The following TMTC4 variants were observed in gnomAD, a reference collection of about 807,000 sequenced individuals.
The protein encoded by TMTC4 is protein O-mannosyl-transferase TMTC4.
In TMTC4, 65 loss-of-function variants were observed where a neutral mutation model predicts 86.0. The ratio of observed to expected loss-of-function variants is 0.76; its 90% CI spans 0.62 to 0.93. The LOEUF is 0.93. Among genes scored for constraint, TMTC4 ranks in the 40% least tolerant of loss-of-function variants. The probability of loss-of-function intolerance (pLI) is 0.00; values close to 1 mark genes in which losing one functional copy is unlikely to be tolerated. For missense variants in TMTC4, 866 were observed against 948.1 expected, an observed-to-expected ratio of 0.91 and a Z score of 1.14; for synonymous variants, 379 against 382.5, an observed-to-expected ratio of 0.99 and a Z score of 0.11.
chr13:100,632,053 ACTCTCT>A (rs67759381), intron 12 of TMTC4, among the ~76,000 whole-genome samples: 215 of 43,110 alleles, frequency 5.0e-3, no homozygotes, highest in South Asian at 0.035. Context: ...ACACACACAC[ACTCTCT>A]CTCTCTCTCT....
At position 100,656,438 on chromosome 13, in the gene TMTC4, G is replaced by A; in HGVS notation, c.583C>T (p.Leu195=). The part of the protein sequence containing the change: ...VAGVVGRADL[L]CALFFLLSFL... ...GATAACAAGAAGAACAGGGCACACA[G>A]GAGGTCTGCACGGCCGACAACACCA... The change falls in exon 6 of 19, where the codon CTG becomes TTG. Residue 195 remains leucine, a synonymous_variant. Coordinates refer to ENST00000342624, the MANE Select transcript of TMTC4 (RefSeq NM_032813.5). The A allele has an allele frequency of 6.2e-7, 1 of 1,612,554 alleles. No homozygotes were observed. Among genetic ancestry groups the A allele is most frequent in the Non-Finnish European group, 8.5e-7 (1 of 1,179,254 alleles).
intron 15 of TMTC4, among the ~76,000 whole-genome samples, chr13:100,615,795 T>A (rs577718995): frequency 6.6e-6 from 1 of 152,354 alleles, no homozygotes; most frequent in African/African-American, 2.4e-5. Flanking sequence ...TGTGCAGGTT[T>A]GTTACATGGG....
At chr13:100,673,213 A>AC (rs1356460835) in intron 1 of TMTC4, 1 of 604,350 alleles carries the variant, frequency 1.7e-6, no homozygotes, top group Non-Finnish European at 2.1e-6. Context: ...CCACACAGGG[A>AC]CCCCAGAAAA....
intron 3 of TMTC4, among the ~76,000 whole-genome samples, chr13:100,666,663 G>T (rs1045425866): frequency 1.6e-4 from 25 of 152,216 alleles, no homozygotes; most frequent in African/African-American, 6.0e-4. Flanking sequence ...TAATAAAACT[G>T]TAGCTTTCTG....
rs1428427940 is a variant in TMTC4, at chr13:100,647,104, G to A, written c.641-4793C>T. Among the ~76,000 whole-genome samples the A allele has an allele frequency of 3.3e-5, 5 of 152,300 alleles. No individual in the cohort carries two copies. In the East Asian group the frequency reaches 7.7e-4, roughly 24 times the overall value. On this transcript the variant is annotated intron_variant, in intron 6 of 18. Transcript: ENST00000342624. ...TTCCGCCACGTCATGAGAGATGGGT[G>A]GCTTTGTCCACTCAGTCTCGGTACA...
intron 15 of TMTC4, chr13:100,625,185 T>C: frequency 3.6e-6 from 1 of 277,692 alleles, no homozygotes; most frequent in South Asian, 4.2e-5. Flanking sequence ...TCTCTGTTCT[T>C]ACTCAATTCT....
At position 100,604,953 on chromosome 13, in the gene TMTC4, T is replaced by G. The variant is rs767863342; in HGVS notation, c.*41A>C. 1 of 1,601,172 alleles carries G rather than the reference T, an allele frequency of 6.2e-7. No homozygotes were observed. The highest frequency in any genetic ancestry group is 8.5e-7 in the Non-Finnish European group (1 of 1,174,108). On this transcript the variant is annotated 3_prime_UTR_variant, in exon 19 of 19. Coordinates refer to ENST00000342624, the MANE Select transcript of TMTC4 (RefSeq NM_032813.5). ...CACATACTATTAATGATATGCCTCATGCACACACACACTCAAACTCAAAAC... is the reference window on the plus strand; with the variant it reads ...CACATACTATTAATGATATGCCTCAGGCACACACACACTCAAACTCAAAAC...
intron 6 of TMTC4, among the ~76,000 whole-genome samples, chr13:100,646,390 C>T (rs1183168253): frequency 1.3e-5 from 2 of 152,176 alleles, no homozygotes; most frequent in Non-Finnish European, 2.9e-5. Context: ...ATCATGGAAC[C>T]GCAGGTGTCA....
Position 100,634,833 on chromosome 13 carries a change from G to A in TMTC4, c.1478C>T (p.Ala493Val). 3 of 1,614,166 alleles carry A rather than the reference G, an allele frequency of 1.9e-6. No homozygotes were observed. Among genetic ancestry groups the A allele is most frequent in the Non-Finnish European group, 2.5e-6 (3 of 1,180,038 alleles). ...WRSEEQLFRS[A>V]LSVCPLNAKV... ...AGCATTGAGGGGACACACAGACAGAGCACTTCTGAAAAGCTGTTCCTCACT... is the reference window on the plus strand; with the variant it reads ...AGCATTGAGGGGACACACAGACAGAACACTTCTGAAAAGCTGTTCCTCACT... The change falls in exon 12 of 19, where the codon GCT becomes GTT. Residue 493 changes from alanine to valine, a missense_variant. Transcript: ENST00000342624.
At chr13:100,625,427 G>T in intron 15 of TMTC4, 108 bp downstream of exon 15, 3 of 1,450,624 alleles carry the variant, frequency 2.1e-6, no homozygotes, top group Non-Finnish European at 2.9e-6. Flanking sequence ...ACATGTGAAA[G>T]AACTTTATAA....
rs1876254994 is a variant in TMTC4 at position 100,604,329 on chromosome 13, TCTC to T, written c.*662_*664del. The T allele has an allele frequency of 1.3e-5, 2 of 152,576 alleles. No homozygotes were observed. Among genetic ancestry groups the T allele is most frequent in the Admixed American group, 1.3e-4 (2 of 15,276 alleles). The allele number at this position is 152,576 out of a possible 1,614,324, so 9.5% of individuals were successfully genotyped here. On this transcript the variant is annotated 3_prime_UTR_variant, in exon 19 of 19. Transcript: ENST00000342624. ...TTATGTAAAATATTACATTACATAA[TCTC>T]CTGTGTATTGAAATTGCACAAGTCA...
chr13:100,632,406 C>T (rs2138850439), intron 12 of TMTC4, among the ~76,000 whole-genome samples: 1 of 152,264 alleles, frequency 6.6e-6, no homozygotes, highest in African/African-American at 2.4e-5. Flanking sequence ...ATTATAGAGC[C>T]TCTGTAAAGA....
At position 100,606,208 on chromosome 13, in the gene TMTC4, T is replaced by C. The variant is rs1050407287; in HGVS notation, c.2134+150A>G. 1.1e-5 allele frequency: 8 copies of C among 722,778 alleles called. No individual in the cohort carries two copies. In the East Asian group the frequency reaches 1.4e-4, roughly 12 times the overall value. 44.8% of individuals were successfully genotyped at this position (722,778 alleles called of 1,614,324 possible). A position where few individuals can be genotyped will look rare whatever the true frequency, so the allele number is the denominator to read the frequency against. ...AGATTTGTAAGTGTGGCTATCACTT[T>C]GCTATCTTTTTAATGCAATAACAGA... On this transcript the variant is annotated intron_variant, in intron 18 of 18. Transcript: ENST00000342624.
At chr13:100,673,859 A>G (rs1299059639) in intron 1 of TMTC4, among the ~76,000 whole-genome samples, 4 of 152,132 alleles carry the variant, frequency 2.6e-5, no homozygotes, top group Non-Finnish European at 4.4e-5. Flanking sequence ...TGCAGAGAAA[A>G]GGGACAGGGA....
At chr13:100,664,074 G>A (rs1319436078) in intron 4 of TMTC4, 147 bp downstream of exon 4, 1 of 527,618 alleles carries the variant, frequency 1.9e-6, no homozygotes, top group Non-Finnish European at 3.3e-6. Context: ...TCTGCACCTA[G>A]AGACCCATGT....
At chr13:100,623,131 G>C (rs1027111095) in intron 15 of TMTC4, among the ~76,000 whole-genome samples, 1 of 152,196 alleles carries the variant, frequency 6.6e-6, no homozygotes, top group Non-Finnish European at 1.5e-5. Flanking sequence ...CTTCTGCTCT[G>C]ACATGATTAC....
At position 100,605,521 on chromosome 13, in the gene TMTC4, T is replaced by C. The variant is rs747295952; in HGVS notation, c.2135-379A>G. 1.3e-5 allele frequency among the ~76,000 whole-genome samples: 2 copies of C among 152,202 alleles called. No individual in the cohort carries two copies. Among genetic ancestry groups the C allele is most frequent in the African/African-American group, 2.4e-5 (1 of 41,456 alleles). ...TAGGCACTGCCCAGAGCCCTGACTA[T>C]GCAGAAGTTCAGCTGTTTATTTTAA... On this transcript the variant is annotated intron_variant, in intron 18 of 18. Coordinates refer to ENST00000342624, the MANE Select transcript of TMTC4 (RefSeq NM_032813.5). The surrounding 1 kb of genome is among the most constrained non-coding windows in gnomAD (Gnocchi z 4.3).
At chr13:100,624,004 G>T in intron 15 of TMTC4, 1 of 329,002 alleles carries the variant, frequency 3.0e-6, no homozygotes. Context: ...TCCATCTCTA[G>T]GCCAGTCACC....
intron 5 of TMTC4, 69 bp downstream of exon 5, chr13:100,662,895 A>C: frequency 1.3e-6 from 2 of 1,564,034 alleles, no homozygotes; most frequent in South Asian, 1.1e-5. Flanking sequence ...GTTTTAGGAA[A>C]CCAGGCGACA....
Sources: allele counts gnomAD v4.1 joint callset (sites outside exome capture counted in the v4.1 genomes callset), GRCh38; gene constraint gnomAD v4.1.1; non-coding constraint Gnocchi (gnomAD v3.1); transcripts MANE v1.5; gene names NCBI Gene and HGNC (gene_info 2026-07-23, HGNC 2026-07-21).